Variants in SNRNP70 observed in about 807,000 individuals in gnomAD.
SNRNP70 encodes the protein small nuclear ribonucleoprotein U1 subunit 70, also known as U1 small nuclear ribonucleoprotein 70 kDa.
SNRNP70 carries 8 observed loss-of-function variants against 50.5 expected under a neutral mutation model. The observed-to-expected ratio is 0.16, with a 90% confidence interval of 0.09 to 0.29. The LOEUF is 0.29. SNRNP70 is among the 10% of genes least tolerant of loss of function. The probability of loss-of-function intolerance (pLI) is 1.00; values close to 1 mark genes in which losing one functional copy is unlikely to be tolerated. For missense variants in SNRNP70, 529 were observed against 663.5 expected, an observed-to-expected ratio of 0.80 and a Z score of 2.23; for synonymous variants, 320 against 252.9, an observed-to-expected ratio of 1.27 and a Z score of -2.52.
chr19:49,093,788 G>A (rs993379481), intron 4 of SNRNP70, among the ~76,000 whole-genome samples: 7 of 151,654 alleles, frequency 4.6e-5, no homozygotes, highest in Admixed American at 6.6e-5. Context: ...GAGGTCAGGA[G>A]TTCAAGACCA....
At chr19:49,086,928 G>A (rs2040388388) in intron 2 of SNRNP70, among the ~76,000 whole-genome samples, 1 of 151,838 alleles carries the variant, frequency 6.6e-6, no homozygotes, top group African/African-American at 2.4e-5. Flanking sequence ...GCTCACGCCT[G>A]TAATCCCAGT....
intron 6 of SNRNP70, among the ~76,000 whole-genome samples, chr19:49,100,183 TG>T (rs2040564358): frequency 1.3e-5 from 2 of 152,198 alleles, no homozygotes; most frequent in African/African-American, 4.8e-5. Context: ...AAATCTTCCC[TG>T]GTTCATTCTG....
In SNRNP70 at chr19:49,093,681, AAAAAAAAAAAAC is replaced by A. The variant is rs1476584027; in HGVS notation, c.265+3175_265+3186del. On this transcript the variant is annotated intron_variant, in intron 4 of 9. Transcript: ENST00000598441. Reference sequence around the variant, plus strand: ...GTGACAGAACAAGATTCCATCTCAAAAAAAAAAAAAACAAAAAAAAAAACAGTTCCAGGCCAG... The same window carrying A: ...GTGACAGAACAAGATTCCATCTCAAAAAAAAAAAAAACAGTTCCAGGCCAG... Among the ~76,000 whole-genome samples the A allele has an allele frequency of 2.0e-4, 28 of 141,774 alleles. No homozygotes were observed. In the South Asian group the frequency reaches 2.8e-3, roughly 14 times the overall value. 93.0% of individuals were successfully genotyped at this position (141,774 alleles called of 152,430 possible). A position where few individuals can be genotyped will look rare whatever the true frequency, so the allele number is the denominator to read the frequency against.
At chr19:49,087,828 T>G (rs887101967) in intron 2 of SNRNP70, 2 of 152,204 alleles carry the variant, frequency 1.3e-5, no homozygotes, top group African/African-American at 4.8e-5. Context: ...ACTTGAGAGA[T>G]ATTACTGGCC....
chr19:49,097,627 C>T (rs1464481792), intron 4 of SNRNP70, among the ~76,000 whole-genome samples: 1 of 152,182 alleles, frequency 6.6e-6, no homozygotes, highest in Non-Finnish European at 1.5e-5. Context: ...GCAGAGTGTC[C>T]TTAAGGCCCC....
At chr19:49,106,556 T>C (rs1055652017) in intron 8 of SNRNP70, among the ~76,000 whole-genome samples, 1 of 152,168 alleles carries the variant, frequency 6.6e-6, no homozygotes, top group African/African-American at 2.4e-5. Context: ...TGCCTGCTTC[T>C]ATAAGAATGT....
At chr19:49,086,710 G>A (rs2040384889) in intron 2 of SNRNP70, 149 bp downstream of exon 2, 2 of 759,200 alleles carry the variant, frequency 2.6e-6, no homozygotes, top group African/African-American at 3.5e-5. Context: ...TTTTAAATGG[G>A]GTTGGAGCCG....
Position 49,108,227 on chromosome 19 carries a change from G to A in SNRNP70, c.1098G>A (p.Arg366=). The change falls in exon 10 of 10, where the codon CGG becomes CGA. Residue 366 remains arginine, a synonymous_variant. Coordinates refer to ENST00000598441, the MANE Select transcript of SNRNP70 (RefSeq NM_003089.6). The part of the protein sequence containing the change: ...RSHRSERERR[R]DRDRDRDRDR... ...ACCGGAGCGAGCGCGAGCGGCGCCG[G>A]GACCGGGATCGTGACCGTGACCGTG... 1 of 1,538,138 alleles carries A rather than the reference G, an allele frequency of 6.5e-7. No homozygotes were observed. Among genetic ancestry groups the A allele is most frequent in the Non-Finnish European group, 8.8e-7 (1 of 1,141,480 alleles).
Position 49,089,977 on chromosome 19 carries a change from T to C in SNRNP70, c.148-314T>C, listed in dbSNP as rs1211792916. Among the ~76,000 whole-genome samples the C allele has an allele frequency of 2.6e-5, 4 of 152,032 alleles. No homozygotes were observed. In the East Asian group the frequency reaches 7.7e-4, roughly 29 times the overall value. ...GCACCCGGCCTTTACACCTGGCTAA[T>C]TTTTAAATTTTTTGTGGAGATGGTG... On this transcript the variant is annotated intron_variant, in intron 2 of 9. Transcript: ENST00000598441.
At chr19:49,100,611 C>T (rs1241040774) in intron 6 of SNRNP70, among the ~76,000 whole-genome samples, 1 of 152,102 alleles carries the variant, frequency 6.6e-6, no homozygotes, top group Non-Finnish European at 1.5e-5. Flanking sequence ...TCAAGACCAG[C>T]CTGGCCAACA....
chr19:49,101,367 C>T (rs1324775821), intron 6 of SNRNP70, 23 bp from the exon 7 acceptor site: 1 of 1,601,096 alleles, frequency 6.2e-7, no homozygotes, highest in East Asian at 2.2e-5. Flanking sequence ...CAGGACTCAC[C>T]CCTGTCCCCA....
At position 49,108,254 on chromosome 19, in the gene SNRNP70, C is replaced by T. The variant is rs1175682581; in HGVS notation, c.1125C>T (p.Asp375=). The change falls in exon 10 of 10, where the codon GAC becomes GAT. Residue 375 remains aspartate, a synonymous_variant. Transcript: ENST00000598441. ...RRDRDRDRDR[D]REHKRGERGS... ...ACCGGGATCGTGACCGTGACCGTGACCGCGAGCACAAACGGGGGGAGCGGG... is the reference window on the plus strand; with the variant it reads ...ACCGGGATCGTGACCGTGACCGTGATCGCGAGCACAAACGGGGGGAGCGGG... The T allele has an allele frequency of 1.3e-6, 2 of 1,547,524 alleles. No individual in the cohort carries two copies. Among genetic ancestry groups the T allele is most frequent in the Non-Finnish European group, 1.7e-6 (2 of 1,146,344 alleles).
rs531433190 is a variant in SNRNP70, at chr19:49,107,555, C to T, written c.578-70C>T. ...CCTTCCTGCCCTTTGCTCTTGGAGT[C>T]GGCTCATTTCTGCTCCTCCGGGCCC... On this transcript the variant is annotated intron_variant, in intron 8 of 9. Coordinates refer to ENST00000598441, the MANE Select transcript of SNRNP70 (RefSeq NM_003089.6). The surrounding 1 kb of genome is among the most constrained non-coding windows in gnomAD (Gnocchi z 6.0). The T allele has an allele frequency of 9.7e-5, 140 of 1,448,210 alleles. 1 individual carries two copies. In the African/African-American group the frequency reaches 1.8e-3, roughly 18 times the overall value. The allele number at this position is 1,448,210 out of a possible 1,614,324, so 89.7% of individuals were successfully genotyped here. A position where few individuals can be genotyped will look rare whatever the true frequency, so the allele number is the denominator to read the frequency against.
chr19:49,087,567 A>T (rs950711102), intron 2 of SNRNP70: 3 of 152,156 alleles, frequency 2.0e-5, no homozygotes, highest in African/African-American at 7.2e-5. Context: ...CACCTTTGGG[A>T]TAAATAGGAA....
intron 4 of SNRNP70, among the ~76,000 whole-genome samples, chr19:49,093,827 C>G (rs2040480756): frequency 1.3e-5 from 2 of 151,636 alleles, no homozygotes; most frequent in African/African-American, 2.4e-5. Flanking sequence ...AACCCCATCT[C>G]TACTAAAAAT....
chr19:49,101,430 G>A lies in SNRNP70; in HGVS notation c.434G>A (p.Gly145Asp). The A allele has an allele frequency of 6.2e-7, 1 of 1,614,044 alleles. No homozygotes were observed. Among genetic ancestry groups the A allele is most frequent in the Non-Finnish European group, 8.5e-7 (1 of 1,179,964 alleles). ...AGTAAGCGGTCAGGAAAGCCCCGTG[G>A]CTATGCCTTCATCGAGTACGAACAC... is the stretch of plus-strand genomic sequence containing the variant. ...VYSKRSGKPRGYAFIEYEHER... is the reference protein window; with the variant it reads ...VYSKRSGKPRDYAFIEYEHER... Residue 145 changes from glycine to aspartate, a missense_variant, in exon 7 of 10, where the codon GGC (glycine) becomes GAC (aspartate). Around this residue, in one of 4 missense-constraint regions of SNRNP70, gnomAD observed 149 missense variants for 259.7 expected, o/e 0.57. Coordinates refer to ENST00000598441, the MANE Select transcript of SNRNP70 (RefSeq NM_003089.6).
intron 2 of SNRNP70, among the ~76,000 whole-genome samples, chr19:49,087,407 CAG>C (rs1168423314): frequency 1.3e-5 from 2 of 152,130 alleles, no homozygotes; most frequent in Non-Finnish European, 2.9e-5. Context: ...AACTGTATGT[CAG>C]GGGGCTTGGC....
intron 7 of SNRNP70, 90 bp downstream of exon 7, chr19:49,101,561 GCC>G: frequency 1.2e-6 from 1 of 812,914 alleles, no homozygotes; most frequent in Non-Finnish European, 2.1e-6. Flanking sequence ...CCCCCACCCT[GCC>G]ACACCTGACA....
intron 7 of SNRNP70, chr19:49,101,967 T>C (rs1379651976): frequency 4.9e-6 from 2 of 411,022 alleles, no homozygotes; most frequent in Non-Finnish European, 9.8e-6. Flanking sequence ...GTGATAGGCA[T>C]GTTGAGCGCC....
Sources: gnomAD v4.1 joint callset for allele counts (sites outside exome capture counted in the v4.1 genomes callset) on GRCh38, gnomAD v4.1.1 for gene constraint, gnomAD v4.1.1 regional missense constraint, Gnocchi (gnomAD v3.1) non-coding constraint, MANE v1.5 for transcripts, NCBI Gene and HGNC (gene_info 2026-07-23, HGNC 2026-07-21) for gene names.